SUPT3H: variants seen among roughly 807,000 people sequenced by gnomAD.
SUPT3H encodes the protein SPT3 homolog, SAGA and STAGA complex component.
Under a neutral mutation model 44.3 loss-of-function variants are expected in SUPT3H, and 44 were observed. The ratio of observed to expected loss-of-function variants is 0.99; its 90% CI spans 0.78 to 1.28. The LOEUF is 1.28. Among genes scored for constraint, SUPT3H ranks in the 50% most tolerant of loss-of-function variants. SUPT3H has a pLI of 0.00. For missense variants in SUPT3H, 380 were observed against 387.1 expected, an observed-to-expected ratio of 0.98 and a Z score of 0.15; for synonymous variants, 124 against 125.6, an observed-to-expected ratio of 0.99 and a Z score of 0.09.
At chr6:45,137,745 T>A (rs969394489) in intron 2 of SUPT3H, among the ~76,000 whole-genome samples, 1 of 151,670 alleles carries the variant, frequency 6.6e-6, no homozygotes, top group East Asian at 1.9e-4. Context: ...AGATATAAGA[T>A]TGAGAATAAA....
chr6:45,215,534 T>A (rs1268411665), intron 2 of SUPT3H, among the ~76,000 whole-genome samples: 1 of 151,940 alleles, frequency 6.6e-6, no homozygotes, highest in African/African-American at 2.4e-5. Context: ...ATTCAATGAA[T>A]GAAATTTTTA....
At chr6:45,133,689 T>A (rs1042274704) in intron 2 of SUPT3H, among the ~76,000 whole-genome samples, 2 of 152,192 alleles carry the variant, frequency 1.3e-5, no homozygotes, top group African/African-American at 4.8e-5. Context: ...TTCCGGAACA[T>A]CTGACAACCC....
At chr6:45,358,650 G>A (rs1049664657) in intron 2 of SUPT3H, among the ~76,000 whole-genome samples, 2 of 151,956 alleles carry the variant, frequency 1.3e-5, no homozygotes, top group African/African-American at 4.8e-5. Context: ...TTTAATCTTC[G>A]TACTAACCCT....
In SUPT3H at chr6:45,061,517, G is replaced by A. The variant is rs1173489644; in HGVS notation, c.187-40885C>T. On this transcript the variant is annotated intron_variant, in intron 3 of 10. Transcript: ENST00000371459. The stretch of plus-strand genomic sequence containing the variant: ...GGGCTTAATACCTAGCTGATGGGTT[G>A]ATCTGTGCAGCAAACCACCATGGCA... 2.0e-5 allele frequency among the ~76,000 whole-genome samples: 3 copies of A among 152,208 alleles called. No individual in the cohort carries two copies. In the East Asian group the frequency reaches 5.8e-4, roughly 29 times the overall value.
chr6:45,100,566 A>AAAAAAAAACAACAAAAAAATC (rs1798430051), intron 3 of SUPT3H, among the ~76,000 whole-genome samples: 1 of 145,558 alleles, frequency 6.9e-6, no homozygotes, highest in African/African-American at 2.5e-5. Flanking sequence ...AAAAAAAAAG[A>AAAAAAAAACAACAAAAAAATC]CACACAAATA....
chr6:45,297,948 T>C (rs549679722), intron 2 of SUPT3H, among the ~76,000 whole-genome samples: 1 of 152,248 alleles, frequency 6.6e-6, no homozygotes, highest in South Asian at 2.1e-4. Context: ...ACTTTAGAGA[T>C]AAAAAAGCAT....
At chr6:45,200,753 A>G (rs1022269393) in intron 2 of SUPT3H, among the ~76,000 whole-genome samples, 1 of 151,246 alleles carries the variant, frequency 6.6e-6, no homozygotes, top group Middle Eastern at 3.2e-3. Flanking sequence ...ACTGTAATAT[A>G]AGATTTTTTT....
chr6:44,824,643 G>A (rs767569847), downstream of SUPT3H, among the ~76,000 whole-genome samples: 4 of 152,188 alleles, frequency 2.6e-5, no homozygotes, highest in Non-Finnish European at 5.9e-5. Flanking sequence ...GGTGGCTCAT[G>A]CCTATAATCC....
chr6:45,272,416 G>A lies in SUPT3H; in HGVS notation c.101+92785C>T, dbSNP rs114080209. Among the ~76,000 whole-genome samples, 824 of 152,222 alleles carry A rather than the reference G, an allele frequency of 5.4e-3. 5 individuals carry two copies. Among genetic ancestry groups the A allele is most frequent in the African/African-American group, 0.018 (765 of 41,550 alleles). ...TCTGATGGTTTGATAAAGGAAACCC[G>A]TTTAACTTGGCTCTCATTGTTTCTT... is the stretch of plus-strand genomic sequence containing the variant. On this transcript the variant is annotated intron_variant, in intron 2 of 10. Coordinates refer to ENST00000371459, the MANE Select transcript of SUPT3H (RefSeq NM_003599.4).
At chr6:45,182,346 C>T (rs965456847) in intron 2 of SUPT3H, among the ~76,000 whole-genome samples, 10 of 152,152 alleles carry the variant, frequency 6.6e-5, no homozygotes, top group African/African-American at 2.4e-4. Context: ...CTGCAACCTC[C>T]GCCTCCCAGG....
At chr6:45,132,306 C>A (rs1803593750) in intron 2 of SUPT3H, among the ~76,000 whole-genome samples, 1 of 152,172 alleles carries the variant, frequency 6.6e-6, no homozygotes, top group Non-Finnish European at 1.5e-5. Context: ...TTCCCATCAA[C>A]CCTGGTACAT....
chr6:44,872,485 G>A (rs1776556557), intron 10 of SUPT3H, among the ~76,000 whole-genome samples: 1 of 150,724 alleles, frequency 6.6e-6, no homozygotes, highest in Non-Finnish European at 1.5e-5. Context: ...CCCTAAAAGA[G>A]CTCCTGAAGG....
chr6:44,822,771 T>C (rs1767427364), downstream of SUPT3H, among the ~76,000 whole-genome samples: 1 of 152,186 alleles, frequency 6.6e-6, no homozygotes, highest in Non-Finnish European at 1.5e-5. Flanking sequence ...AAATAAGAAT[T>C]GATGAGATTA....
intron 2 of SUPT3H, among the ~76,000 whole-genome samples, chr6:45,239,806 G>A (rs1309970872): frequency 6.6e-6 from 1 of 152,164 alleles, no homozygotes; most frequent in Non-Finnish European, 1.5e-5. Context: ...AATTCTCAAG[G>A]ACAAGCCATT....
intron 10 of SUPT3H, among the ~76,000 whole-genome samples, chr6:44,851,511 T>A (rs973189548): frequency 6.6e-6 from 1 of 152,212 alleles, no homozygotes; most frequent in African/African-American, 2.4e-5. Flanking sequence ...CTAGATATAG[T>A]GGAACTAGTG....
In SUPT3H at chr6:44,829,576, G is replaced by T. The variant is rs1768250335; in HGVS notation, c.*240C>A. On this transcript the variant is annotated 3_prime_UTR_variant, in exon 11 of 11. Transcript: ENST00000371459. ...TCAAAACTGTGTGATCTGCATTCTT[G>T]TCCACCTACAGACTATCCTAAACAT... 2.3e-6 allele frequency: 1 copy of T among 433,604 alleles called. No homozygotes were observed. Among genetic ancestry groups the T allele is most frequent in the Non-Finnish European group, 4.1e-6 (1 of 242,384 alleles). 26.9% of individuals were successfully genotyped at this position (433,604 alleles called of 1,614,324 possible). A position where few individuals can be genotyped will look rare whatever the true frequency, so the allele number is the denominator to read the frequency against.
intron 6 of SUPT3H, among the ~76,000 whole-genome samples, chr6:44,973,379 G>A (rs543903021): frequency 1.3e-5 from 2 of 152,150 alleles, no homozygotes; most frequent in Admixed American, 1.3e-4. Context: ...TCTCCATCTG[G>A]GACCACCTTA....
chr6:45,127,130 A>G (rs1802561835), intron 2 of SUPT3H, among the ~76,000 whole-genome samples: 1 of 152,174 alleles, frequency 6.6e-6, no homozygotes, highest in Admixed American at 6.5e-5. Context: ...CCTGACCAAC[A>G]TGGTGAAACC....
chr6:45,108,270 G>GT (rs1379969379), intron 2 of SUPT3H, among the ~76,000 whole-genome samples: 2 of 152,194 alleles, frequency 1.3e-5, no homozygotes, highest in South Asian at 2.1e-4. Context: ...GAGCTCAGGA[G>GT]TTTGAGACCA....
Sources: allele counts gnomAD v4.1 joint callset (sites outside exome capture counted in the v4.1 genomes callset), GRCh38; gene constraint gnomAD v4.1.1; transcripts MANE v1.5; gene names NCBI Gene and HGNC (gene_info 2026-07-23, HGNC 2026-07-21).